Variants in SLC10A7 observed in about 807,000 individuals in gnomAD.
SLC10A7 encodes sodium/bile acid cotransporter 7.
Under a neutral mutation model 43.2 loss-of-function variants are expected in SLC10A7, and 29 were observed. The observed-to-expected ratio is 0.67, with a 90% CI of 0.50 to 0.92. SLC10A7 has a LOEUF of 0.92. SLC10A7 is among the 40% of genes least tolerant of loss of function. The probability of loss-of-function intolerance (pLI) is 0.00; values close to 1 mark genes in which losing one functional copy is unlikely to be tolerated. For synonymous variants in SLC10A7, 152 were observed against 144.8 expected (o/e 1.05, Z -0.35); for missense variants, 295 against 403.2 (o/e 0.73, Z 2.30).
intron 4 of SLC10A7, among the ~76,000 whole-genome samples, chr4:146,443,160 T>C (rs996084432): frequency 2.6e-5 from 4 of 152,162 alleles, no homozygotes; most frequent in Non-Finnish European, 5.9e-5. Flanking sequence ...CAATCAGAGA[T>C]TGATTTATTT....
intron 5 of SLC10A7, among the ~76,000 whole-genome samples, chr4:146,373,698 G>A (rs112301317): frequency 3.9e-5 from 6 of 152,242 alleles, no homozygotes; most frequent in African/African-American, 1.4e-4. Context: ...ATCATGCAAG[G>A]AGATTTTTAA....
intron 4 of SLC10A7, among the ~76,000 whole-genome samples, chr4:146,450,821 T>C (rs1731517023): frequency 6.6e-6 from 1 of 152,088 alleles, no homozygotes; most frequent in African/African-American, 2.4e-5. Context: ...TTCTAAGTCC[T>C]TGAAAGAAGC....
intron 4 of SLC10A7, among the ~76,000 whole-genome samples, chr4:146,494,780 G>A (rs1261042767): frequency 6.6e-6 from 1 of 152,058 alleles, no homozygotes; most frequent in Admixed American, 6.5e-5. Context: ...CTGGCCTCTG[G>A]GATTGGTGAC....
intron 4 of SLC10A7, among the ~76,000 whole-genome samples, chr4:146,470,819 G>A (rs1454194398): frequency 6.6e-6 from 1 of 152,132 alleles, no homozygotes; most frequent in East Asian, 1.9e-4. Flanking sequence ...CATGACTAAT[G>A]CAGGCTAGCA....
At chr4:146,445,938 G>C (rs1408472708) in intron 4 of SLC10A7, among the ~76,000 whole-genome samples, 1 of 151,470 alleles carries the variant, frequency 6.6e-6, no homozygotes, top group Non-Finnish European at 1.5e-5. Context: ...CGCGTGCACG[G>C]GAGTCCCCTG....
chr4:146,309,260 GTTGTTC>G (rs1215603575), intron 6 of SLC10A7, among the ~76,000 whole-genome samples: 2 of 152,048 alleles, frequency 1.3e-5, no homozygotes, highest in Non-Finnish European at 2.9e-5. Context: ...GGAATCCTTG[GTTGTTC>G]TTGTTTACAA....
intron 5 of SLC10A7, among the ~76,000 whole-genome samples, chr4:146,441,395 A>G (rs1730588997): frequency 6.6e-6 from 1 of 152,186 alleles, no homozygotes; most frequent in Admixed American, 6.6e-5. Flanking sequence ...AAGGAATCGT[A>G]TATTTTGTTT....
intron 5 of SLC10A7, among the ~76,000 whole-genome samples, chr4:146,418,994 C>T (rs1228362181): frequency 1.3e-5 from 2 of 152,168 alleles, no homozygotes; most frequent in African/African-American, 2.4e-5. Flanking sequence ...ACAAAGAACA[C>T]AGATGAAGAG....
intron 4 of SLC10A7, among the ~76,000 whole-genome samples, chr4:146,492,622 G>A (rs1347798446): frequency 6.6e-6 from 1 of 152,022 alleles, no homozygotes; most frequent in African/African-American, 2.4e-5. Context: ...CACTGGCCTC[G>A]GCCTCCCAAA....
Position 146,442,298 on chromosome 4 carries a change from C to T in SLC10A7, c.435+485G>A, listed in dbSNP as rs1334031698. 3 of 985,130 alleles carry T rather than the reference C, an allele frequency of 3.0e-6. No individual in the cohort carries two copies. The African/African-American group carries it at 5.3e-5, about 17-fold the overall frequency. The allele number at this position is 985,130 out of a possible 1,614,324, so 61.0% of individuals were successfully genotyped here. A position where few individuals can be genotyped will look rare whatever the true frequency, so the allele number is the denominator to read the frequency against. ...CAAATTACTCATTAGTCATATCTTC[C>T]TTTCAAATTTTTTTTCACATAGATT... On this transcript the variant is annotated intron_variant, in intron 5 of 11. Coordinates refer to ENST00000335472, the MANE Select transcript of SLC10A7 (RefSeq NM_001029998.6).
intron 5 of SLC10A7, among the ~76,000 whole-genome samples, chr4:146,358,414 T>C (rs1735810190): frequency 6.6e-6 from 1 of 152,138 alleles, no homozygotes; most frequent in East Asian, 1.9e-4. Flanking sequence ...TATAATATAG[T>C]ATAAAATTTT....
At chr4:146,458,304 T>G (rs1310625886) in intron 4 of SLC10A7, among the ~76,000 whole-genome samples, 4 of 151,712 alleles carry the variant, frequency 2.6e-5, no homozygotes, top group Admixed American at 6.6e-5. Flanking sequence ...TTTAGAAGAC[T>G]AGAACTGATA....
chr4:146,394,104 C>T (rs1409864158), intron 5 of SLC10A7, among the ~76,000 whole-genome samples: 1 of 152,086 alleles, frequency 6.6e-6, no homozygotes, highest in Non-Finnish European at 1.5e-5. Flanking sequence ...CTAATCAGCA[C>T]AATTGGAAGT....
chr4:146,256,197 G>A lies in SLC10A7; in HGVS notation c.*294C>T, dbSNP rs2110959177. ...TACTATAGGGTTGTATTGCACAAAG[G>A]TGCTGCAGGGAAAGCATGTTTGCTT... On this transcript the variant is annotated 3_prime_UTR_variant, in exon 12 of 12. Coordinates refer to ENST00000335472, the MANE Select transcript of SLC10A7 (RefSeq NM_001029998.6). 1 of 437,300 alleles carries A rather than the reference G, an allele frequency of 2.3e-6. No individual in the cohort carries two copies. Among genetic ancestry groups the A allele is most frequent in the Non-Finnish European group, 4.2e-6 (1 of 239,654 alleles). 27.1% of individuals were successfully genotyped at this position (437,300 alleles called of 1,614,324 possible).
At position 146,518,768 on chromosome 4, in the gene SLC10A7, T is replaced by C. The variant is rs148735723; in HGVS notation, c.101-1648A>G. Among the ~76,000 whole-genome samples, 432 of 152,090 alleles carry C rather than the reference T, an allele frequency of 2.8e-3. 4 individuals are homozygous for C. Among genetic ancestry groups the C allele is most frequent in the African/African-American group, 0.01 (420 of 41,488 alleles). ...ATGACAGAGGTGGAGGCTGGAGTTA[T>C]ATTGCCACAAGCCAAGGAACGGCTG... is the stretch of plus-strand genomic sequence containing the variant. On this transcript the variant is annotated intron_variant, in intron 1 of 11. Transcript: ENST00000335472.
At chr4:146,441,559 ATAT>A in intron 5 of SLC10A7, 1 of 612,274 alleles carries the variant, frequency 1.6e-6, no homozygotes, top group Non-Finnish European at 2.0e-6. Context: ...TGTTTTACAG[ATAT>A]TATTCTATTA....
intron 5 of SLC10A7, among the ~76,000 whole-genome samples, chr4:146,352,838 T>C (rs367630222): frequency 3.6e-4 from 51 of 142,018 alleles, no homozygotes; most frequent in South Asian, 1.4e-3. Flanking sequence ...TTGAAACCAA[T>C]GAGAACAAAG....
At chr4:146,380,731 C>T (rs1458510499) in intron 5 of SLC10A7, among the ~76,000 whole-genome samples, 6 of 152,024 alleles carry the variant, frequency 3.9e-5, no homozygotes, top group Admixed American at 6.6e-5. Context: ...CAGAAATATA[C>T]AAACTGGCAC....
intron 5 of SLC10A7, among the ~76,000 whole-genome samples, chr4:146,334,182 C>T (rs1240673803): frequency 6.6e-6 from 1 of 152,028 alleles, no homozygotes; most frequent in African/African-American, 2.4e-5. Flanking sequence ...GAGGTATCTG[C>T]AAGGCCTCCA....
Sources: allele counts gnomAD v4.1 joint callset (sites outside exome capture counted in the v4.1 genomes callset), GRCh38; gene constraint gnomAD v4.1.1; transcripts MANE v1.5; gene names NCBI Gene and HGNC (gene_info 2026-07-23, HGNC 2026-07-21).